The following BAHD1 variants were observed in gnomAD, a reference collection of about 807,000 sequenced individuals.
BAHD1 encodes bromo adjacent homology domain-containing 1 protein.
In BAHD1, 20 loss-of-function variants were observed where a neutral mutation model predicts 63.1. The ratio of observed to expected loss-of-function variants is 0.32; its 90% confidence interval spans 0.22 to 0.46. BAHD1 has a LOEUF of 0.46. BAHD1 is among the 20% of genes least tolerant of loss of function. The pLI is 1.00. For synonymous variants in BAHD1, 408 were observed against 426.8 expected (o/e 0.96, Z 0.54); for missense variants, 939 against 1,071.8 (o/e 0.88, Z 1.73).
chr15:40,463,684 CT>C (rs1413529380), intron 3 of BAHD1, among the ~76,000 whole-genome samples, 176 bp from the exon 4 acceptor site: 1 of 152,180 alleles, frequency 6.6e-6, no homozygotes, highest in African/African-American at 2.4e-5. Flanking sequence ...TTTTCTCATC[CT>C]TTCTCCAACC....
At position 40,459,858 on chromosome 15, in the gene BAHD1, C is replaced by G; in HGVS notation, c.1394C>G (p.Thr465Ser). The G allele has an allele frequency of 6.2e-7, 1 of 1,601,190 alleles. No individual in the cohort carries two copies. The highest frequency in any genetic ancestry group is 8.5e-7 in the Non-Finnish European group (1 of 1,172,224). ...LPLSVTHAGT[T>S]CGGCPYKMPF... is the part of the protein sequence containing the mutation. ...CTGTCTGTTACCCACGCTGGCACTA[C>G]CTGTGGCGGCTGCCCATACAAAATG... The change falls in exon 2 of 7, where the codon ACC (threonine) becomes AGC (serine). Residue 465 changes from threonine (T) to serine (S), a missense_variant. Transcript: ENST00000416165.
upstream of BAHD1, among the ~76,000 whole-genome samples, chr15:40,438,928 C>A (rs879515216): frequency 6.6e-6 from 1 of 152,232 alleles, no homozygotes; most frequent in Non-Finnish European, 1.5e-5. Context: ...GGCTCTGCCC[C>A]CGTGGCCACC....
chr15:40,440,779 C>G (rs1479487920), upstream of BAHD1, among the ~76,000 whole-genome samples: 1 of 152,060 alleles, frequency 6.6e-6, no homozygotes, highest in Non-Finnish European at 1.5e-5. Context: ...GTTGGGACGA[C>G]CGACCCACGG....
chr15:40,465,968 T>A lies in BAHD1; in HGVS notation c.2181T>A (p.Gly727=). The part of the protein sequence containing the change: ...CRFCAMAKRR[G]EGLPSRKTAL... ...TCTGTGCCATGGCCAAGCGCCGAGGTGAAGGCCTCCCCAGCCGAAAGACAG... is the reference window on the plus strand; with the variant it reads ...TCTGTGCCATGGCCAAGCGCCGAGGAGAAGGCCTCCCCAGCCGAAAGACAG... Residue 727 remains glycine (G), a synonymous_variant, in exon 7 of 7, where the codon GGT becomes GGA. Transcript: ENST00000416165. 6.2e-7 allele frequency: 1 copy of A among 1,604,080 alleles called. No homozygotes were observed. The highest frequency in any genetic ancestry group is 8.5e-7 in the Non-Finnish European group (1 of 1,175,330).
At chr15:40,449,512 G>A (rs1474454367) in intron 1 of BAHD1, among the ~76,000 whole-genome samples, 1 of 152,112 alleles carries the variant, frequency 6.6e-6, no homozygotes, top group Admixed American at 6.5e-5. Context: ...AGAAGGAGGA[G>A]GATGAGGCCA....
intron 5 of BAHD1, chr15:40,465,128 G>C: frequency 1.7e-6 from 1 of 584,426 alleles, no homozygotes; most frequent in Non-Finnish European, 3.1e-6. Flanking sequence ...CAGATACCTG[G>C]CTATTCTGGA....
chr15:40,463,769 A>G, intron 3 of BAHD1, 92 bp from the exon 4 acceptor site: 1 of 1,429,604 alleles, frequency 7.0e-7, no homozygotes. Flanking sequence ...GACTATCTTG[A>G]GGAAATCGTG....
chr15:40,459,782 T>C lies in BAHD1; in HGVS notation c.1318T>C (p.Ser440Pro), dbSNP rs779523753. ...HPPWGSSRYC[S>P]SEDTGVNGYS... Reference sequence around the variant, plus strand: ...TCCCTGGGGCTCCTCTCGCTACTGCTCTAGCGAGGACACTGGAGTGAATGG... The same window carrying C: ...TCCCTGGGGCTCCTCTCGCTACTGCCCTAGCGAGGACACTGGAGTGAATGG... Residue 440 changes from serine (S) to proline (P), a missense_variant, in exon 2 of 7, where the codon TCT becomes CCT. This residue lies in a region of BAHD1 where 797 missense variants were observed against 813.3 expected (regional missense o/e 0.98). Transcript: ENST00000416165. 1.5e-5 allele frequency: 24 copies of C among 1,613,864 alleles called. No homozygotes were observed. The highest frequency in any genetic ancestry group is 2.0e-5 in the Non-Finnish European group (24 of 1,180,014).
intron 1 of BAHD1, among the ~76,000 whole-genome samples, chr15:40,447,718 T>G (rs1048737486): frequency 1.3e-5 from 2 of 152,282 alleles, no homozygotes; most frequent in Admixed American, 6.5e-5. Context: ...TAATATGTCT[T>G]TGCATGTTAA....
In BAHD1 at chr15:40,458,302, A is replaced by G; in HGVS notation, c.-14-149A>G. Reference sequence around the variant, plus strand: ...TTCCACTGCCCCTTCACACTCTGGAAAGGGAGTCCCAGGAAAATCCATACT... The same window carrying G: ...TTCCACTGCCCCTTCACACTCTGGAGAGGGAGTCCCAGGAAAATCCATACT... On this transcript the variant is annotated intron_variant, in intron 1 of 6. Transcript: ENST00000416165. The surrounding 1 kb of genome is among the most constrained non-coding windows in gnomAD (Gnocchi z 4.7). The G allele has an allele frequency of 9.7e-7, 1 of 1,034,776 alleles. No individual in the cohort carries two copies. Among genetic ancestry groups the G allele is most frequent in the East Asian group, 2.7e-5 (1 of 37,418 alleles). The allele number at this position is 1,034,776 out of a possible 1,614,324, so 64.1% of individuals were successfully genotyped here.
chr15:40,443,729 G>C (rs1486736413), intron 1 of BAHD1, among the ~76,000 whole-genome samples: 1 of 151,816 alleles, frequency 6.6e-6, no homozygotes, highest in East Asian at 1.9e-4. Flanking sequence ...TGCTTCCTTT[G>C]GCCCTTCTGA....
intron 1 of BAHD1, among the ~76,000 whole-genome samples, chr15:40,452,741 G>A (rs115066667): frequency 0.04 from 6,157 of 152,108 alleles, 384 homozygotes; most frequent in African/African-American, 0.13. Context: ...TGCTCTGCTC[G>A]TGCTGGTGGG....
At position 40,459,399 on chromosome 15, in the gene BAHD1, C is replaced by T; in HGVS notation, c.935C>T (p.Pro312Leu). ...CTGGAGAGCCCTTTGGGGCTGCGCC[C>T]TCACCTGCCCCTGCTGATGGGTGGA... ...KALESPLGLR[P>L]HLPLLMGGQA... The change falls in exon 2 of 7, where the codon CCT becomes CTT. Residue 312 changes from proline (P) to leucine (L), a missense_variant. Physicochemically the swap from Pro to Leu is moderately conservative, Grantham distance 98 (BLOSUM62 -3). Coordinates refer to ENST00000416165, the MANE Select transcript of BAHD1 (RefSeq NM_014952.5). 2 of 1,612,770 alleles carry T rather than the reference C, an allele frequency of 1.2e-6. No homozygotes were observed. Among genetic ancestry groups the T allele is most frequent in the Non-Finnish European group, 1.7e-6 (2 of 1,179,716 alleles).
chr15:40,462,342 G>T (rs771812894), intron 3 of BAHD1, 48 bp downstream of exon 3: 2 of 1,555,992 alleles, frequency 1.3e-6, no homozygotes, highest in Non-Finnish European at 1.7e-6. Context: ...AGGCAGTGGG[G>T]ACACATGACC....
rs138718810 is a variant in BAHD1, at chr15:40,465,125, C to A, written c.2053-210C>A. 4,197 of 581,888 alleles carry A rather than the reference C, an allele frequency of 7.2e-3. 138 individuals are homozygous for A. The highest frequency in any genetic ancestry group is 0.072 in the African/African-American group (3,842 of 53,588). 36.0% of individuals were successfully genotyped at this position (581,888 alleles called of 1,614,324 possible). A position where few individuals can be genotyped will look rare whatever the true frequency, so the allele number is the denominator to read the frequency against. On this transcript the variant is annotated intron_variant, in intron 5 of 6. Coordinates refer to ENST00000416165, the MANE Select transcript of BAHD1 (RefSeq NM_014952.5). ...GACAATCAGGGGCTAGAGCAGATAC[C>A]TGGCTATTCTGGAGAAGGGGGGGAC...
chr15:40,437,481 G>A (rs1893295926), upstream of BAHD1, among the ~76,000 whole-genome samples: 1 of 152,244 alleles, frequency 6.6e-6, no homozygotes, highest in Non-Finnish European at 1.5e-5. Context: ...TGATGGGGGA[G>A]GGGGCAAGTG....
intron 1 of BAHD1, among the ~76,000 whole-genome samples, chr15:40,443,018 T>C (rs1237231432): frequency 2.0e-5 from 3 of 152,154 alleles, no homozygotes; most frequent in African/African-American, 7.2e-5. Flanking sequence ...GAAAAACTCA[T>C]TCAGAGCTCC....
Position 40,459,963 on chromosome 15 carries a change from T to A in BAHD1, c.1432+67T>A, listed in dbSNP as rs1173291022. On this transcript the variant is annotated intron_variant, in intron 2 of 6. Transcript: ENST00000416165. ...GACATGGCATCCCAGGAGGTTGGGC[T>A]GTTGATCTGAGCAGGGGTCTCCCTT... 2.7e-6 allele frequency: 4 copies of A among 1,494,684 alleles called. No individual in the cohort carries two copies. In the East Asian group the frequency reaches 7.0e-5, roughly 26 times the overall value. 92.6% of individuals were successfully genotyped at this position (1,494,684 alleles called of 1,614,324 possible). A position where few individuals can be genotyped will look rare whatever the true frequency, so the allele number is the denominator to read the frequency against.
At chr15:40,457,115 A>G (rs1174058261) in intron 1 of BAHD1, among the ~76,000 whole-genome samples, 1 of 151,970 alleles carries the variant, frequency 6.6e-6, no homozygotes, top group Admixed American at 6.6e-5. Context: ...GGCTTCCCCC[A>G]CCTCCTTGCA....
Sources: gnomAD v4.1 joint callset for allele counts (sites outside exome capture counted in the v4.1 genomes callset) on GRCh38, gnomAD v4.1.1 for gene constraint, gnomAD v4.1.1 regional missense constraint, Gnocchi (gnomAD v3.1) non-coding constraint, MANE v1.5 for transcripts, NCBI Gene and HGNC (gene_info 2026-07-23, HGNC 2026-07-21) for gene names.